Variants in PHF24 observed in about 807,000 individuals in gnomAD.
PHF24 encodes the protein Galpha inhibitory interacting protein.
Under a neutral mutation model 42.6 loss-of-function variants are expected in PHF24, and 25 were observed. The observed-to-expected ratio is 0.59, with a 90% CI of 0.43 to 0.82. PHF24 has a LOEUF of 0.82. Ranked by LOEUF, PHF24 falls within the 40% of genes least tolerant of loss-of-function variation. PHF24 has a pLI of 0.00. For missense variants in PHF24, 470 were observed against 538.1 expected (o/e 0.87, Z 1.25); for synonymous variants, 185 against 204.8 (o/e 0.90, Z 0.83).
chr9:34,882,420 G>A, the PHF24 span, among the ~76,000 whole-genome samples: 3 of 152,188 alleles, frequency 2.0e-5, no homozygotes, highest in African/African-American at 4.8e-5. Flanking sequence ...AGGAAGTCCA[G>A]TTGTCCCTGT....
At chr9:34,933,580 C>G in the PHF24 span, among the ~76,000 whole-genome samples, 1 of 151,504 alleles carries the variant, frequency 6.6e-6, no homozygotes, top group Non-Finnish European at 1.5e-5. Flanking sequence ...AAAAAATTAG[C>G]CTGGCATGGT....
chr9:34,781,859 G>A, the PHF24 span, among the ~76,000 whole-genome samples: 2,991 of 152,264 alleles, frequency 0.02, 103 homozygotes, highest in African/African-American at 0.067. Context: ...GGTAAGTACA[G>A]CAGTTATCTG....
the PHF24 span, among the ~76,000 whole-genome samples, chr9:34,789,341 A>G: frequency 6.6e-6 from 1 of 152,198 alleles, no homozygotes; most frequent in African/African-American, 2.4e-5. Context: ...TTTTCCTTCA[A>G]TAAGTTCTTC....
At chr9:34,922,308 G>A in the PHF24 span, 2 of 1,591,484 alleles carry the variant, frequency 1.3e-6, no homozygotes, top group Non-Finnish European at 1.7e-6. Context: ...TTCACTTAAT[G>A]TATCAAGTTC....
the PHF24 span, among the ~76,000 whole-genome samples, chr9:34,782,307 T>C: frequency 6.6e-6 from 1 of 152,060 alleles, no homozygotes; most frequent in African/African-American, 2.4e-5. Flanking sequence ...TTCTCAGCAA[T>C]TTCGTATAAT....
At chr9:34,722,967 T>C in the PHF24 span, 1 of 421,772 alleles carries the variant, frequency 2.4e-6, no homozygotes, top group East Asian at 3.7e-5. Context: ...TTAAAGCTCC[T>C]TCCCTAGACA....
the PHF24 span, among the ~76,000 whole-genome samples, chr9:34,851,377 G>T: frequency 6.6e-6 from 1 of 152,238 alleles, no homozygotes; most frequent in Admixed American, 6.5e-5. Context: ...CAATCAGCGA[G>T]ACTCCGTGGG....
the PHF24 span, among the ~76,000 whole-genome samples, chr9:34,907,506 G>C: frequency 6.6e-6 from 1 of 152,122 alleles, no homozygotes; most frequent in Non-Finnish European, 1.5e-5. Flanking sequence ...TTTCCCCTTT[G>C]CCACCTAGAA....
At chr9:34,976,110 C>T in intron 3 of PHF24, 42 bp from the exon 4 acceptor site, 1 of 1,427,254 alleles carries the variant, frequency 7.0e-7, no homozygotes, top group Non-Finnish European at 9.9e-7. Flanking sequence ...GCCTTTCTTA[C>T]TGGCCTGTAT....
At chr9:34,901,600 A>G in the PHF24 span, among the ~76,000 whole-genome samples, 1 of 152,208 alleles carries the variant, frequency 6.6e-6, no homozygotes, top group East Asian at 1.9e-4. Flanking sequence ...AACAAATTAT[A>G]GAAAATAAAA....
chr9:34,894,999 T>A, the PHF24 span: 1 of 398,458 alleles, frequency 2.5e-6, no homozygotes, highest in Non-Finnish European at 4.4e-6. Flanking sequence ...GGAACCTCAC[T>A]CACAGCAGAA....
chr9:34,839,951 A>T, the PHF24 span, among the ~76,000 whole-genome samples: 3 of 152,260 alleles, frequency 2.0e-5, no homozygotes, highest in African/African-American at 7.2e-5. Flanking sequence ...AGGGAAAAGG[A>T]CTGTTCCAGG....
chr9:34,712,375 A>AT, the PHF24 span, among the ~76,000 whole-genome samples: 1 of 151,726 alleles, frequency 6.6e-6, no homozygotes, highest in African/African-American at 2.4e-5. Context: ...TATTTCTTCA[A>AT]TTTTTTTAAT....
the PHF24 span, among the ~76,000 whole-genome samples, chr9:34,701,220 T>C: frequency 6.6e-6 from 1 of 151,972 alleles, no homozygotes; most frequent in Non-Finnish European, 1.5e-5. This position sits in a 1 kb window ranked among gnomAD's most constrained non-coding sequence, Gnocchi z 5.8. Context: ...AGATCCTGAA[T>C]GCGCGCGTAC....
the PHF24 span, among the ~76,000 whole-genome samples, chr9:34,681,717 A>T: frequency 1.3e-5 from 2 of 152,396 alleles, no homozygotes; most frequent in African/African-American, 4.8e-5. Context: ...AGGCTGAGGC[A>T]GGAGAAGTGC....
At chr9:34,921,685 G>A in the PHF24 span, among the ~76,000 whole-genome samples, 1 of 152,184 alleles carries the variant, frequency 6.6e-6, no homozygotes, top group South Asian at 2.1e-4. Flanking sequence ...CATTGAGATT[G>A]AGTGTTCCAC....
At chr9:34,889,563 C>T in the PHF24 span, 15 of 398,424 alleles carry the variant, frequency 3.8e-5, no homozygotes, top group African/African-American at 6.2e-5. Context: ...CTCATGCCTT[C>T]GATCTTTCAT....
chr9:34,777,440 C>A, the PHF24 span, among the ~76,000 whole-genome samples: 5 of 152,110 alleles, frequency 3.3e-5, no homozygotes, highest in African/African-American at 1.2e-4. Context: ...TGGGAGATCC[C>A]TTAGCCCCCA....
At chr9:34,961,185 A>G (rs1826577712) in intron 1 of PHF24, among the ~76,000 whole-genome samples, 1 of 152,096 alleles carries the variant, frequency 6.6e-6, no homozygotes, top group Non-Finnish European at 1.5e-5. Context: ...TACAGAATCT[A>G]TTATCTTTTA....
Sources: gnomAD v4.1 joint callset for allele counts (sites outside exome capture counted in the v4.1 genomes callset) on GRCh38, gnomAD v4.1.1 for gene constraint, Gnocchi (gnomAD v3.1) non-coding constraint, MANE v1.5 for transcripts, NCBI Gene and HGNC (gene_info 2026-07-23, HGNC 2026-07-21) for gene names.